Variants in KIAA0586 observed in about 807,000 individuals in gnomAD.
KIAA0586 encodes protein TALPID3.
A neutral mutation model predicts 169.8 loss-of-function variants in KIAA0586; 144 were observed. That is an observed-to-expected ratio of 0.85 (90% CI 0.74 to 0.97). The LOEUF (loss-of-function observed/expected upper bound fraction) is 0.97. Among genes scored for constraint, KIAA0586 ranks in the 50% least tolerant of loss-of-function variants. The probability of loss-of-function intolerance (pLI) is 0.00; values close to 1 mark genes in which losing one functional copy is unlikely to be tolerated. For missense variants in KIAA0586, 1,854 were observed against 1,823.0 expected (o/e 1.02, Z -0.31); for synonymous variants, 625 against 612.4 (o/e 1.02, Z -0.30).
chr14:58,557,779 CAA>C, the KIAA0586 span, among the ~76,000 whole-genome samples: 2 of 151,750 alleles, frequency 1.3e-5, no homozygotes, highest in African/African-American at 2.4e-5. Flanking sequence ...TAGGGATATA[CAA>C]AGTGTAGAGT....
chr14:58,439,466 C>G (rs2038114421), intron 4 of KIAA0586, among the ~76,000 whole-genome samples: 1 of 152,052 alleles, frequency 6.6e-6, no homozygotes, highest in Admixed American at 6.6e-5. Context: ...GGATTACAGG[C>G]GTGAGCCACC....
At chr14:58,554,004 A>C (rs1389399233), downstream of KIAA0586, among the ~76,000 whole-genome samples, 1 of 152,140 alleles carries the variant, frequency 6.6e-6, no homozygotes, top group East Asian at 1.9e-4. Flanking sequence ...ATGGCCTCAC[A>C]TATCTGGTGG....
At chr14:58,481,958 C>T (rs903511583) in intron 20 of KIAA0586, among the ~76,000 whole-genome samples, 3 of 151,788 alleles carry the variant, frequency 2.0e-5, no homozygotes, top group South Asian at 2.1e-4. Flanking sequence ...GGACTACAGG[C>T]GCCTGCCACC....
intron 24 of KIAA0586, among the ~76,000 whole-genome samples, chr14:58,489,548 T>TA (rs1284969904): frequency 1.3e-5 from 2 of 152,150 alleles, no homozygotes; most frequent in African/African-American, 4.8e-5. Context: ...TTTTACCAAA[T>TA]AATATATTGT....
Position 58,474,880 on chromosome 14 carries a change from C to T in KIAA0586, c.2825+83C>T, listed in dbSNP as rs1486079162. On this transcript the variant is annotated intron_variant, in intron 19 of 30. Coordinates refer to ENST00000652326, the MANE Select transcript of KIAA0586 (RefSeq NM_001329943.3). ...GTATTAAAATGTGGCTGAAAATATT[C>T]CTTGTCTTCTTTTGTTTATTAAACT... 5.9e-6 allele frequency: 6 copies of T among 1,018,836 alleles called. No homozygotes were observed. The East Asian group carries it at 1.3e-4, about 22-fold the overall frequency. The allele number at this position is 1,018,836 out of a possible 1,614,324, so 63.1% of individuals were successfully genotyped here. A position where few individuals can be genotyped will look rare whatever the true frequency, so the allele number is the denominator to read the frequency against.
chr14:58,482,688 T>G lies in KIAA0586; in HGVS notation c.3120T>G (p.Ala1040=), dbSNP rs755369049. The G allele has an allele frequency of 8.9e-6, 14 of 1,571,944 alleles. No individual in the cohort carries two copies. The Admixed American group carries it at 2.8e-4, about 31-fold the overall frequency. The part of the protein sequence containing the change: ...GPVATGVSGD[A]STNETYLPAR... ...TTGCTACAGGTGTTTCTGGGGATGC[T>G]TCAACAAATGAAACATATTTGCCGG... Residue 1040 remains alanine, a synonymous_variant, in exon 21 of 31, where the codon GCT becomes GCG. Transcript: ENST00000652326.
chr14:58,440,958 T>C (rs1001490888), intron 4 of KIAA0586: 1 of 169,210 alleles, frequency 5.9e-6, no homozygotes, highest in Non-Finnish European at 1.3e-5. Flanking sequence ...TAATGAATTG[T>C]ATACTTGAAA....
chr14:58,443,719 G>T (rs562264083), intron 5 of KIAA0586, among the ~76,000 whole-genome samples: 4 of 152,132 alleles, frequency 2.6e-5, no homozygotes, highest in Non-Finnish European at 5.9e-5. Context: ...CACCGCGCCT[G>T]GCCAATTTTT....
In KIAA0586 at chr14:58,467,795, A is replaced by G; in HGVS notation, c.2315A>G (p.His772Arg). 2 of 1,613,862 alleles carry G rather than the reference A, an allele frequency of 1.2e-6. No individual in the cohort carries two copies. Among genetic ancestry groups the G allele is most frequent in the South Asian group, 2.2e-5 (2 of 91,076 alleles). ...GCTGGAGTGATTGTCAGCAAGCCAC[A>G]CCCTGTAACTGTGACTACTTCTATT... ...PPAGVIVSKP[H>R]PVTVTTSIPP... Residue 772 changes from histidine (H) to arginine (R), a missense_variant, in exon 16 of 31, where the codon CAC becomes CGC. Coordinates refer to ENST00000652326, the MANE Select transcript of KIAA0586 (RefSeq NM_001329943.3).
intron 6 of KIAA0586, among the ~76,000 whole-genome samples, chr14:58,446,788 G>A (rs1163544179): frequency 6.6e-6 from 1 of 152,000 alleles, no homozygotes; most frequent in East Asian, 1.9e-4. Context: ...AGTACTCCCT[G>A]CATGACTAAA....
intron 29 of KIAA0586, among the ~76,000 whole-genome samples, chr14:58,525,848 C>T (rs561906708): frequency 1.3e-5 from 2 of 152,332 alleles, no homozygotes; most frequent in South Asian, 2.1e-4. Flanking sequence ...AGTCTGAAGT[C>T]GACCTGGGAT....
intron 21 of KIAA0586, among the ~76,000 whole-genome samples, chr14:58,484,936 T>A (rs1477832665): frequency 3.1e-3 from 67 of 21,358 alleles, no homozygotes; most frequent in Non-Finnish European, 5.8e-3. Flanking sequence ...TTTTTTTTTT[T>A]TTTTTTTTTT....
chr14:58,445,753 C>T (rs1006742446), intron 6 of KIAA0586, among the ~76,000 whole-genome samples: 5 of 145,722 alleles, frequency 3.4e-5, no homozygotes, highest in Admixed American at 2.1e-4. Context: ...ATTTCTAACT[C>T]CTAGAACACG....
intron 20 of KIAA0586, among the ~76,000 whole-genome samples, chr14:58,481,703 C>T (rs1481589554): frequency 6.6e-6 from 1 of 152,000 alleles, no homozygotes; most frequent in Non-Finnish European, 1.5e-5. Flanking sequence ...TGTAAGTTGT[C>T]CTCTTAGTCT....
chr14:58,495,455 T>C (rs114509597), intron 26 of KIAA0586, among the ~76,000 whole-genome samples: 3,988 of 151,958 alleles, frequency 0.026, 194 homozygotes, highest in African/African-American at 0.091. Context: ...GCGTGTACCA[T>C]ACCTAGCTAA....
intron 4 of KIAA0586, among the ~76,000 whole-genome samples, 188 bp from the exon 5 acceptor site, chr14:58,442,518 C>T (rs1020276784): frequency 6.6e-6 from 1 of 151,980 alleles, no homozygotes; most frequent in African/African-American, 2.4e-5. Flanking sequence ...AAGGAATTAT[C>T]TTCTTATTTC....
intron 29 of KIAA0586, among the ~76,000 whole-genome samples, chr14:58,536,797 A>T (rs1288912074): frequency 6.9e-6 from 1 of 144,038 alleles, no homozygotes; most frequent in Non-Finnish European, 1.5e-5. Context: ...AGTATCTTCA[A>T]ACATTTAAGT....
At chr14:58,431,458 G>T (rs2037366026) in intron 3 of KIAA0586, among the ~76,000 whole-genome samples, 1 of 151,998 alleles carries the variant, frequency 6.6e-6, no homozygotes, top group African/African-American at 2.4e-5. Context: ...GTAGAGACAG[G>T]GTTTCACCAT....
chr14:58,462,387 A>C (rs932059114), intron 14 of KIAA0586, among the ~76,000 whole-genome samples: 1 of 151,940 alleles, frequency 6.6e-6, no homozygotes, highest in Admixed American at 6.6e-5. Context: ...AGCTGGGATT[A>C]CAGGCATGCG....
Sources: gnomAD v4.1 joint callset for allele counts (sites outside exome capture counted in the v4.1 genomes callset) on GRCh38, gnomAD v4.1.1 for gene constraint, MANE v1.5 for transcripts, NCBI Gene and HGNC (gene_info 2026-07-23, HGNC 2026-07-21) for gene names.